FRMD3: variants seen among roughly 807,000 people sequenced by gnomAD.
FRMD3 encodes FERM domain-containing protein 3.
Under a neutral mutation model 70.2 loss-of-function variants are expected in FRMD3, and 33 were observed. That is an observed-to-expected ratio of 0.47 (90% CI 0.36 to 0.63). FRMD3 has a LOEUF of 0.63. Ranked by LOEUF, FRMD3 falls within the 20% of genes least tolerant of loss-of-function variation. The pLI is 0.00. For synonymous variants in FRMD3, 279 were observed against 255.9 expected (o/e 1.09, Z -0.86); for missense variants, 632 against 711.4 (o/e 0.89, Z 1.27).
At chr9:83,561,673 T>C in the FRMD3 span, among the ~76,000 whole-genome samples, 407 of 152,306 alleles carry the variant, frequency 2.7e-3, 4 homozygotes, top group African/African-American at 9.1e-3. Context: ...TGAAAGAATA[T>C]GGCAAACCAT....
At chr9:83,329,373 T>C (rs1587731103) in intron 6 of FRMD3, among the ~76,000 whole-genome samples, 1 of 152,144 alleles carries the variant, frequency 6.6e-6, no homozygotes, top group African/African-American at 2.4e-5. Flanking sequence ...TTAAGAAAGA[T>C]TGGGGTTGTA....
At chr9:83,303,764 TTTAGTA>T (rs1425973607) in intron 10 of FRMD3, among the ~76,000 whole-genome samples, 1 of 152,224 alleles carries the variant, frequency 6.6e-6, no homozygotes, top group Non-Finnish European at 1.5e-5. Flanking sequence ...TTTGGTGGGT[TTTAGTA>T]TAATTCATGA....
chr9:83,336,480 CTG>C (rs1225551446), intron 5 of FRMD3, among the ~76,000 whole-genome samples: 1 of 150,958 alleles, frequency 6.6e-6, no homozygotes, highest in African/African-American at 2.4e-5. Flanking sequence ...AATTCCCTGA[CTG>C]GAGCTGCCTG....
rs113821675 is a variant in FRMD3 at position 83,284,726 on chromosome 9, G to A, written c.1195+5877C>T. ...GGAAAATGGTGGGAAGAAAGACACC[G>A]AAGCCATAAGAATAGGGTAAATTTG... On this transcript the variant is annotated intron_variant, in intron 13 of 13. Coordinates refer to ENST00000304195, the MANE Select transcript of FRMD3 (RefSeq NM_174938.6). Among the ~76,000 whole-genome samples the A allele has an allele frequency of 6.3e-3, 958 of 152,330 alleles. 12 individuals are homozygous for A. Among genetic ancestry groups the A allele is most frequent in the African/African-American group, 0.021 (889 of 41,568 alleles).
chr9:83,358,167 C>T (rs1437193988), intron 3 of FRMD3, among the ~76,000 whole-genome samples: 1 of 152,108 alleles, frequency 6.6e-6, no homozygotes, highest in Non-Finnish European at 1.5e-5. Flanking sequence ...GCCAATTATC[C>T]CAGAACCATT....
chr9:83,518,383 T>C (rs1245143100), intron 1 of FRMD3, among the ~76,000 whole-genome samples: 1 of 152,064 alleles, frequency 6.6e-6, no homozygotes, highest in Non-Finnish European at 1.5e-5. Flanking sequence ...CAAACTCCCA[T>C]TCACAATTGC....
At chr9:83,398,261 T>C (rs890360097) in intron 1 of FRMD3, among the ~76,000 whole-genome samples, 8 of 152,244 alleles carry the variant, frequency 5.3e-5, no homozygotes, top group African/African-American at 1.9e-4. Flanking sequence ...CAGTAACTGG[T>C]ACTATTACAA....
Position 83,245,266 on chromosome 9 carries a change from T to G in FRMD3, c.*2652A>C, listed in dbSNP as rs77494496. ...TCACACACTTGCTTTAAACTCTATA[T>G]CTCACTCTATAATATACTGTCCATC... On this transcript the variant is annotated 3_prime_UTR_variant, in exon 14 of 14. Coordinates refer to ENST00000304195, the MANE Select transcript of FRMD3 (RefSeq NM_174938.6). 0.02 allele frequency: 19,577 copies of G among 985,320 alleles called. 198 individuals carry two copies. Among genetic ancestry groups the G allele is most frequent in the Middle Eastern group, 0.032 (61 of 1,914 alleles). The allele number at this position is 985,320 out of a possible 1,614,324, so 61.0% of individuals were successfully genotyped here. A position where few individuals can be genotyped will look rare whatever the true frequency, so the allele number is the denominator to read the frequency against.
At position 83,491,369 on chromosome 9, in the gene FRMD3, C is replaced by T. The variant is rs998342726; in HGVS notation, c.147+46716G>A. Among the ~76,000 whole-genome samples the T allele has an allele frequency of 2.6e-5, 4 of 152,326 alleles. No individual in the cohort carries two copies. In the East Asian group the frequency reaches 5.8e-4, roughly 22 times the overall value. Reference sequence around the variant, plus strand: ...AAACAGTGCTTGCCGAGTTTTCTTACTCCGTGGGTGCTTAATGTTCTCTGT... The same window carrying T: ...AAACAGTGCTTGCCGAGTTTTCTTATTCCGTGGGTGCTTAATGTTCTCTGT... On this transcript the variant is annotated intron_variant, in intron 1 of 13. Transcript: ENST00000304195.
At chr9:83,404,467 C>T (rs1266437232) in intron 1 of FRMD3, among the ~76,000 whole-genome samples, 1 of 152,120 alleles carries the variant, frequency 6.6e-6, no homozygotes, top group African/African-American at 2.4e-5. Flanking sequence ...AACATTTTCA[C>T]CCATTGTTTA....
intron 13 of FRMD3, among the ~76,000 whole-genome samples, chr9:83,257,526 A>G (rs1342886806): frequency 6.6e-6 from 1 of 152,210 alleles, no homozygotes; most frequent in South Asian, 2.1e-4. Flanking sequence ...GTTGAGGGGG[A>G]AAAAAAATCT....
chr9:83,409,569 A>T (rs4097498), intron 1 of FRMD3, among the ~76,000 whole-genome samples: 1 of 152,100 alleles, frequency 6.6e-6, no homozygotes, highest in East Asian at 1.9e-4. Flanking sequence ...GGCCACAGCA[A>T]ATGCTTGTGT....
chr9:83,284,529 A>C (rs1040018934), intron 13 of FRMD3, among the ~76,000 whole-genome samples: 2 of 152,112 alleles, frequency 1.3e-5, no homozygotes, highest in African/African-American at 4.8e-5. Context: ...AATGGCTTGA[A>C]CCCAGGAGGC....
chr9:83,290,592 G>A lies in FRMD3; in HGVS notation c.1195+11C>T. On this transcript the variant is annotated intron_variant, in intron 13 of 13. Transcript: ENST00000304195. ...GCAGCACCAGCATTTGGGATGAAGA[G>A]ACAGACTTACCCTCACCCAGAGGAA... The A allele has an allele frequency of 6.2e-7, 1 of 1,613,968 alleles. No individual in the cohort carries two copies. The highest frequency in any genetic ancestry group is 8.5e-7 in the Non-Finnish European group (1 of 1,179,940).
chr9:83,536,400 G>A (rs1305113993), intron 1 of FRMD3, among the ~76,000 whole-genome samples: 1 of 152,132 alleles, frequency 6.6e-6, no homozygotes, highest in African/African-American at 2.4e-5. Context: ...AGAGGGCTGA[G>A]AGACAGAGGA....
intron 12 of FRMD3, among the ~76,000 whole-genome samples, chr9:83,293,113 G>C (rs922080733): frequency 5.3e-5 from 8 of 152,172 alleles, no homozygotes; most frequent in East Asian, 1.9e-4. Context: ...CAGCTGTTCT[G>C]GTGAGCACAG....
At chr9:83,449,154 G>T (rs1457521296) in intron 1 of FRMD3, among the ~76,000 whole-genome samples, 1 of 152,208 alleles carries the variant, frequency 6.6e-6, no homozygotes, top group Non-Finnish European at 1.5e-5. Context: ...AGGAAGGCAA[G>T]AGAGGACCAC....
the FRMD3 span, among the ~76,000 whole-genome samples, chr9:83,557,907 T>C: frequency 2.0e-5 from 3 of 152,230 alleles, no homozygotes; most frequent in South Asian, 6.2e-4. Context: ...AGAGAAGCTC[T>C]CATATGTAAA....
chr9:83,423,581 G>A (rs143844383), intron 1 of FRMD3, among the ~76,000 whole-genome samples: 1,363 of 62,428 alleles, frequency 0.022, 31 homozygotes, highest in African/African-American at 0.083. Flanking sequence ...CACTAGCCCT[G>A]TTTCTTTTTT....
Sources: allele counts gnomAD v4.1 joint callset (sites outside exome capture counted in the v4.1 genomes callset), GRCh38; gene constraint gnomAD v4.1.1; transcripts MANE v1.5; gene names NCBI Gene and HGNC (gene_info 2026-07-23, HGNC 2026-07-21).